The following RASGRF2 variants were observed in gnomAD, a reference collection of about 807,000 sequenced individuals.
The protein encoded by RASGRF2 is Ras protein specific guanine nucleotide releasing factor 2.
A neutral mutation model predicts 151.0 loss-of-function variants in RASGRF2; 76 were observed. That is an observed-to-expected ratio of 0.50 (90% CI 0.42 to 0.61). The LOEUF (loss-of-function observed/expected upper bound fraction) is 0.61, where lower values mean the gene tolerates loss of function less well. Among genes scored for constraint, RASGRF2 ranks in the 20% least tolerant of loss-of-function variants. The probability of loss-of-function intolerance (pLI) is 0.00; values close to 1 mark genes in which losing one functional copy is unlikely to be tolerated. For synonymous variants in RASGRF2, 504 were observed against 566.5 expected (o/e 0.89, Z 1.57); for missense variants, 1,148 against 1,564.6 (o/e 0.73, Z 4.49).
chr5:81,113,274 G>T, intron 14 of RASGRF2: 1 of 542,340 alleles, frequency 1.8e-6, no homozygotes. Flanking sequence ...CCTGAGTTCT[G>T]AACGTCTAAC....
intron 15 of RASGRF2, 76 bp downstream of exon 15, chr5:81,113,996 A>G: frequency 6.8e-7 from 1 of 1,479,038 alleles, no homozygotes; most frequent in Non-Finnish European, 9.1e-7. Flanking sequence ...CTTTTGGAAC[A>G]CTGGTTCCCT....
chr5:81,172,189 AAATAAAT>A (rs1170356919), intron 17 of RASGRF2, among the ~76,000 whole-genome samples: 2 of 152,212 alleles, frequency 1.3e-5, no homozygotes, highest in Non-Finnish European at 2.9e-5. Context: ...ATGGGAATTA[AAATAAAT>A]AATACACAAA....
intron 5 of RASGRF2, among the ~76,000 whole-genome samples, chr5:81,075,766 A>G (rs1350306414): frequency 2.0e-5 from 3 of 152,212 alleles, no homozygotes; most frequent in Non-Finnish European, 4.4e-5. Flanking sequence ...TCAAGTGACT[A>G]GGGATCAGAT....
chr5:81,168,468 G>A (rs909028706), intron 17 of RASGRF2, among the ~76,000 whole-genome samples: 1 of 151,828 alleles, frequency 6.6e-6, no homozygotes, highest in African/African-American at 2.4e-5. Flanking sequence ...ACACCGCCAC[G>A]CTCAGCTAAT....
At chr5:81,172,304 T>C (rs1754675033) in intron 17 of RASGRF2, among the ~76,000 whole-genome samples, 2 of 152,170 alleles carry the variant, frequency 1.3e-5, no homozygotes, top group South Asian at 4.1e-4. Context: ...AACAATTTAA[T>C]TGACAGTTTT....
intron 1 of RASGRF2, among the ~76,000 whole-genome samples, chr5:80,969,256 G>A (rs933218768): frequency 6.7e-6 from 1 of 148,456 alleles, no homozygotes; most frequent in African/African-American, 2.5e-5. Context: ...TAAGCCTCCT[G>A]AGTACCTGGG....
chr5:81,215,893 C>A lies in RASGRF2; in HGVS notation c.3372C>A (p.Asp1124Glu), dbSNP rs774942312. The A allele has an allele frequency of 6.5e-7, 1 of 1,547,110 alleles. No individual in the cohort carries two copies. Among genetic ancestry groups the A allele is most frequent in the South Asian group, 1.3e-5 (1 of 77,758 alleles). Reference sequence around the variant, plus strand: ...CTTTTTAGACAAAAGCTCTAATGGACAAACTTCAAAAGACTGTTTCCTCTG... The same window carrying A: ...CTTTTTAGACAAAAGCTCTAATGGAAAAACTTCAAAAGACTGTTTCCTCTG... ...KVSKQTKALMDKLQKTVSSEG... is the reference protein window; with the variant it reads ...KVSKQTKALMEKLQKTVSSEG... The change falls in exon 24 of 27, where the codon GAC becomes GAA. Residue 1124 changes from aspartate (D) to glutamate (E), a missense_variant. Coordinates refer to ENST00000265080, the MANE Select transcript of RASGRF2 (RefSeq NM_006909.3).
chr5:81,200,394 T>G (rs1055465899), intron 18 of RASGRF2, among the ~76,000 whole-genome samples: 1 of 152,258 alleles, frequency 6.6e-6, no homozygotes, highest in East Asian at 1.9e-4. Flanking sequence ...TGGTTATTGC[T>G]TATTACTCTC....
At position 81,229,263 on chromosome 5, in the gene RASGRF2, C is replaced by T. The variant is rs993669772; in HGVS notation, c.*3493C>T. 6.6e-6 allele frequency: 1 copy of T among 151,628 alleles called. No individual in the cohort carries two copies. Among genetic ancestry groups the T allele is most frequent in the African/African-American group, 2.4e-5 (1 of 41,256 alleles). The allele number at this position is 151,628 out of a possible 1,614,324, so 9.4% of individuals were successfully genotyped here. ...CAAAATGTATTATTTTTACAACTAT[C>T]GAAAAGGCATAAAAGAGAACATACT... On this transcript the variant is annotated 3_prime_UTR_variant, in exon 27 of 27. Transcript: ENST00000265080.
intron 1 of RASGRF2, among the ~76,000 whole-genome samples, chr5:80,968,183 CT>C (rs1248701091): frequency 1.3e-5 from 2 of 152,142 alleles, no homozygotes; most frequent in African/African-American, 4.8e-5. Flanking sequence ...TGATATTCCT[CT>C]TTTTATTTTC....
At chr5:81,143,665 G>C (rs1753936817) in intron 17 of RASGRF2, among the ~76,000 whole-genome samples, 1 of 151,918 alleles carries the variant, frequency 6.6e-6, no homozygotes, top group Non-Finnish European at 1.5e-5. Context: ...GCCGAGGCGG[G>C]CGGATCATGA....
intron 9 of RASGRF2, among the ~76,000 whole-genome samples, chr5:81,091,732 G>A (rs2445801): frequency 0.65 from 99,427 of 151,900 alleles, 32,953 homozygotes; most frequent in Middle Eastern, 0.8. Context: ...TATTGAAGTA[G>A]TTTGTGCTCA....
At chr5:81,181,372 A>G (rs1754913344) in intron 18 of RASGRF2, among the ~76,000 whole-genome samples, 1 of 152,236 alleles carries the variant, frequency 6.6e-6, no homozygotes. Context: ...GTAAGCCCAT[A>G]GAAGTTCTTA....
intron 2 of RASGRF2, among the ~76,000 whole-genome samples, chr5:81,062,400 A>G (rs1374384479): frequency 6.6e-6 from 1 of 152,224 alleles, no homozygotes; most frequent in Non-Finnish European, 1.5e-5. Flanking sequence ...TTGATTTATC[A>G]ACTTTAGACA....
intron 17 of RASGRF2, among the ~76,000 whole-genome samples, chr5:81,179,581 C>G (rs1334088817): frequency 1.3e-5 from 2 of 152,172 alleles, no homozygotes; most frequent in Non-Finnish European, 2.9e-5. Flanking sequence ...GTGGAATGAT[C>G]AAACCGAACT....
At chr5:81,130,298 A>T (rs1266657280) in intron 17 of RASGRF2, among the ~76,000 whole-genome samples, 1 of 152,204 alleles carries the variant, frequency 6.6e-6, no homozygotes, top group African/African-American at 2.4e-5. Context: ...ATGCAGTCTG[A>T]AGCCACATGA....
At chr5:81,119,959 T>C (rs1753259672) in intron 15 of RASGRF2, among the ~76,000 whole-genome samples, 1 of 152,136 alleles carries the variant, frequency 6.6e-6, no homozygotes, top group Admixed American at 6.5e-5. Flanking sequence ...CTCTGGGTAA[T>C]GGAGAAAGTC....
At position 80,988,212 on chromosome 5, in the gene RASGRF2, G is replaced by A. The variant is rs543888755; in HGVS notation, c.288+27186G>A. ...ACTGCAGGCTCATGCCACCACAGCC[G>A]GCTGATTTTTGTATTTTTTGTAGAG... On this transcript the variant is annotated intron_variant, in intron 1 of 26. Transcript: ENST00000265080. Among the ~76,000 whole-genome samples the A allele has an allele frequency of 3.3e-4, 50 of 151,978 alleles. 1 individual carries two copies. The highest frequency in any genetic ancestry group is 1.0e-3 in the African/African-American group (43 of 41,444).
At chr5:81,009,840 G>T (rs2112311400) in intron 1 of RASGRF2, among the ~76,000 whole-genome samples, 1 of 152,250 alleles carries the variant, frequency 6.6e-6, no homozygotes, top group East Asian at 1.9e-4. Context: ...GCATGAGCAT[G>T]ACTGTATTAA....
Sources: gnomAD v4.1 joint callset for allele counts (sites outside exome capture counted in the v4.1 genomes callset) on GRCh38, gnomAD v4.1.1 for gene constraint, MANE v1.5 for transcripts, NCBI Gene and HGNC (gene_info 2026-07-23, HGNC 2026-07-21) for gene names.